The following CENPP variants were observed in gnomAD, a reference collection of about 807,000 sequenced individuals.
CENPP encodes centromere protein P.
In CENPP, 24 loss-of-function variants were observed where a neutral mutation model predicts 35.6. The observed-to-expected ratio is 0.67, with a 90% CI of 0.49 to 0.95. The LOEUF (loss-of-function observed/expected upper bound fraction) is 0.95, where lower values mean the gene tolerates loss of function less well. Ranked by LOEUF, CENPP falls within the 40% of genes least tolerant of loss-of-function variation. The pLI is 0.00. For synonymous variants in CENPP, 120 were observed against 125.5 expected, an observed-to-expected ratio of 0.96 and a Z score of 0.29; for missense variants, 332 against 345.3, an observed-to-expected ratio of 0.96 and a Z score of 0.31.
chr9:92,568,832 C>T (rs565688917), intron 5 of CENPP, among the ~76,000 whole-genome samples: 118 of 152,252 alleles, frequency 7.8e-4, no homozygotes, highest in African/African-American at 2.8e-3. Flanking sequence ...TCTCTGATGG[C>T]CAGTGATGAT....
In CENPP at chr9:92,424,374, A is replaced by AATT. The variant is rs1843904578; in HGVS notation, c.564+44516_564+44517insTTA. ...ATTTAAGCAAATACAATCTTCTTGG[A>AATT]AAACACTCGGGTTGAATTAAAATTA... On this transcript the variant is annotated intron_variant, in intron 5 of 7. Coordinates refer to ENST00000375587, the MANE Select transcript of CENPP (RefSeq NM_001012267.3). The AATT allele has an allele frequency of 2.0e-5, 3 of 152,142 alleles. No homozygotes were observed. The South Asian group carries it at 6.2e-4, about 32-fold the overall frequency. The allele number at this position is 152,142 out of a possible 1,614,324, so 9.4% of individuals were successfully genotyped here.
At position 92,340,933 on chromosome 9, in the gene CENPP, C is replaced by T. The variant is rs186498929; in HGVS notation, c.378+3304C>T. ...CCTTAAACTCTGACTGCTGGTGAGC[C>T]GGGCGGAACAGAGCCATATTTCTCT... is the stretch of plus-strand genomic sequence containing the variant. On this transcript the variant is annotated intron_variant, in intron 3 of 7. Transcript: ENST00000375587. Among the ~76,000 whole-genome samples the T allele has an allele frequency of 4.4e-4, 67 of 152,200 alleles. 2 individuals are homozygous for T. In the East Asian group the frequency reaches 5.2e-3, roughly 12 times the overall value.
At chr9:92,587,485 G>A (rs1244879387) in intron 5 of CENPP, among the ~76,000 whole-genome samples, 1 of 151,626 alleles carries the variant, frequency 6.6e-6, no homozygotes, top group African/African-American at 2.4e-5. Context: ...AAAAGGGGGG[G>A]GACCAATCAA....
intron 5 of CENPP, chr9:92,465,010 A>G: frequency 6.2e-7 from 1 of 1,613,228 alleles, no homozygotes. Context: ...CATTATTATC[A>G]AGAGGGTTTG....
At chr9:92,531,920 AT>A (rs146044903) in intron 5 of CENPP, among the ~76,000 whole-genome samples, 1 of 146,032 alleles carries the variant, frequency 6.8e-6, no homozygotes, top group Non-Finnish European at 1.5e-5. Context: ...GATACGGTTG[AT>A]TTTTTCCCCC....
chr9:92,607,259 G>T (rs796657106), intron 5 of CENPP, among the ~76,000 whole-genome samples: 3 of 152,322 alleles, frequency 2.0e-5, no homozygotes, highest in African/African-American at 7.2e-5. Flanking sequence ...GGAGTCTAGT[G>T]TGAGTTTTGC....
At chr9:92,603,968 T>A (rs1336924207) in intron 5 of CENPP, among the ~76,000 whole-genome samples, 2 of 152,254 alleles carry the variant, frequency 1.3e-5, no homozygotes, top group Non-Finnish European at 2.9e-5. Flanking sequence ...ATGGGGCTGA[T>A]GTGCATTCTT....
At chr9:92,493,522 A>G in intron 5 of CENPP, 1 of 152,194 alleles carries the variant, frequency 6.6e-6, no homozygotes, top group East Asian at 1.9e-4. Flanking sequence ...TTGTATATAT[A>G]TACAAAGACA....
At chr9:92,421,657 G>A (rs919985656) in intron 5 of CENPP, among the ~76,000 whole-genome samples, 1 of 152,194 alleles carries the variant, frequency 6.6e-6, no homozygotes, top group Non-Finnish European at 1.5e-5. Context: ...TAGTTAGTTT[G>A]ATTGGGTTAC....
intron 5 of CENPP, chr9:92,459,598 C>T: frequency 6.2e-7 from 1 of 1,600,984 alleles, no homozygotes; most frequent in Non-Finnish European, 8.5e-7. Flanking sequence ...AAGAAAAATA[C>T]CAATATCTAC....
chr9:92,342,212 A>G (rs1038078241), intron 3 of CENPP, among the ~76,000 whole-genome samples: 6 of 152,222 alleles, frequency 3.9e-5, no homozygotes, highest in Non-Finnish European at 5.9e-5. Flanking sequence ...CTTATATTCT[A>G]TTGGCCAACA....
intron 5 of CENPP, among the ~76,000 whole-genome samples, chr9:92,583,149 C>G (rs1850468357): frequency 1.3e-5 from 2 of 152,136 alleles, no homozygotes; most frequent in East Asian, 3.8e-4. Context: ...TGTGTCCATC[C>G]TTGGTCTCAT....
rs113741584 is a variant in CENPP, at chr9:92,513,083, A to G, written c.565-98231A>G. On this transcript the variant is annotated intron_variant, in intron 5 of 7. Transcript: ENST00000375587. ...TGACCTTTTCAGCTTCCCTCACCCC[A>G]GCATCTCCAGGGACACCCGTGGCAT... Among the ~76,000 whole-genome samples the G allele has an allele frequency of 3.0e-4, 46 of 152,254 alleles. 1 individual carries two copies. The highest frequency in any genetic ancestry group is 1.1e-3 in the African/African-American group (45 of 41,550).
chr9:92,346,505 G>C (rs1841298436), intron 4 of CENPP, among the ~76,000 whole-genome samples: 1 of 152,170 alleles, frequency 6.6e-6, no homozygotes, highest in African/African-American at 2.4e-5. Flanking sequence ...GATGAGGTTA[G>C]GAAATTAGGT....
intron 5 of CENPP, among the ~76,000 whole-genome samples, chr9:92,512,612 C>CT (rs1847420896): frequency 6.6e-6 from 1 of 152,236 alleles, no homozygotes; most frequent in South Asian, 2.1e-4. Context: ...TTGGGGAGAT[C>CT]ATCTCCCAGA....
chr9:92,456,868 T>A, intron 5 of CENPP: 1 of 820,942 alleles, frequency 1.2e-6, no homozygotes, highest in Non-Finnish European at 1.5e-6. Flanking sequence ...ACTCTTCACA[T>A]TACTGTCTTT....
chr9:92,351,955 G>A (rs1242335259), intron 4 of CENPP, among the ~76,000 whole-genome samples: 1 of 151,108 alleles, frequency 6.6e-6, no homozygotes, highest in African/African-American at 2.4e-5. Flanking sequence ...GGTTTATTTC[G>A]CTGAGTGTAA....
chr9:92,412,723 T>TA (rs1275174290), intron 5 of CENPP, among the ~76,000 whole-genome samples: 1 of 152,236 alleles, frequency 6.6e-6, no homozygotes, highest in African/African-American at 2.4e-5. Context: ...TATTCCACTG[T>TA]ATGGATATAT....
At chr9:92,344,374 T>G (rs1466768198) in intron 3 of CENPP, among the ~76,000 whole-genome samples, 1 of 152,204 alleles carries the variant, frequency 6.6e-6, no homozygotes. Context: ...CCTGAGATTT[T>G]TGCTTTCCTT....
Sources: allele counts gnomAD v4.1 joint callset (sites outside exome capture counted in the v4.1 genomes callset), GRCh38; gene constraint gnomAD v4.1.1; transcripts MANE v1.5; gene names NCBI Gene and HGNC (gene_info 2026-07-23, HGNC 2026-07-21).